Variants in NRXN1 observed in about 807,000 individuals in gnomAD.
NRXN1 encodes neurexin-1.
A neutral mutation model predicts 150.9 loss-of-function variants in NRXN1; 39 were observed. The observed-to-expected ratio is 0.26, with a 90% CI of 0.20 to 0.34. The LOEUF (loss-of-function observed/expected upper bound fraction) is 0.34. Ranked by LOEUF, NRXN1 falls within the 10% of genes least tolerant of loss-of-function variation. The pLI, the probability that NRXN1 is intolerant of heterozygous loss-of-function variation, is 1.00. For missense variants in NRXN1, 1,815 were observed against 1,949.9 expected, an observed-to-expected ratio of 0.93 and a Z score of 1.30; for synonymous variants, 924 against 757.0, an observed-to-expected ratio of 1.22 and a Z score of -3.62.
At chr2:50,248,660 G>A (rs989321768) in intron 17 of NRXN1, among the ~76,000 whole-genome samples, 8 of 152,098 alleles carry the variant, frequency 5.3e-5, no homozygotes, top group Non-Finnish European at 1.5e-5. Context: ...TAATGTCATT[G>A]TAAATATCAT....
intron 5 of NRXN1, among the ~76,000 whole-genome samples, chr2:50,639,505 G>A (rs1292919851): frequency 6.6e-6 from 1 of 151,866 alleles, no homozygotes; most frequent in African/African-American, 2.4e-5. Flanking sequence ...ATAGGTGTAA[G>A]CCACCATGCC....
rs548000791 is a variant in NRXN1 at position 49,963,868 on chromosome 2, T to C, written c.4129-20077A>G. Among the ~76,000 whole-genome samples, 18 of 152,332 alleles carry C rather than the reference T, an allele frequency of 1.2e-4. No individual in the cohort carries two copies. The East Asian group carries it at 2.5e-3, about 21-fold the overall frequency. The stretch of plus-strand genomic sequence containing the variant: ...AAATTTTAAATAGTGGGAGGAATTA[T>C]TATAAAAGAATAAAATATGTAACAG... On this transcript the variant is annotated intron_variant, in intron 21 of 22. Coordinates refer to ENST00000401669, the MANE Select transcript of NRXN1 (RefSeq NM_001330078.2).
At chr2:50,803,691 G>T (rs1244665472) in intron 5 of NRXN1, among the ~76,000 whole-genome samples, 2 of 152,170 alleles carry the variant, frequency 1.3e-5, no homozygotes, top group African/African-American at 4.8e-5. Context: ...TTTGAGGTCA[G>T]CCTTGCTGAA....
At chr2:50,013,539 G>A (rs1686061745) in intron 21 of NRXN1, among the ~76,000 whole-genome samples, 1 of 152,034 alleles carries the variant, frequency 6.6e-6, no homozygotes, top group African/African-American at 2.4e-5. Flanking sequence ...CAGGAAATAA[G>A]GTAAGACATG....
At chr2:51,007,238 A>C (rs1300096679) in intron 2 of NRXN1, among the ~76,000 whole-genome samples, 1 of 151,928 alleles carries the variant, frequency 6.6e-6, no homozygotes, top group Non-Finnish European at 1.5e-5. Context: ...ATTAATGAGC[A>C]TTTTCTGAAC....
At chr2:50,395,876 C>A (rs1162301224) in intron 17 of NRXN1, among the ~76,000 whole-genome samples, 3 of 151,654 alleles carry the variant, frequency 2.0e-5, no homozygotes, top group African/African-American at 7.3e-5. Context: ...GAACTCACTG[C>A]CACTAGCAGG....
chr2:50,594,206 G>C (rs563419940), intron 8 of NRXN1, among the ~76,000 whole-genome samples: 6 of 152,138 alleles, frequency 3.9e-5, no homozygotes, highest in African/African-American at 1.4e-4. Context: ...GACTATTACA[G>C]ATATAATTTA....
chr2:49,947,454 A>T (rs2104419377), intron 21 of NRXN1, among the ~76,000 whole-genome samples: 1 of 151,330 alleles, frequency 6.6e-6, no homozygotes, highest in Admixed American at 6.6e-5. Flanking sequence ...TTGACTGCTA[A>T]ACATTCTTTT....
chr2:50,631,102 C>T (rs988152418), intron 5 of NRXN1: 1 of 453,198 alleles, frequency 2.2e-6, no homozygotes, highest in Non-Finnish European at 4.5e-6. Flanking sequence ...AATCACATTA[C>T]TTTCAAGGGA....
chr2:50,799,901 T>TAC (rs562189757), intron 5 of NRXN1, among the ~76,000 whole-genome samples: 131 of 151,456 alleles, frequency 8.6e-4, no homozygotes, highest in South Asian at 1.7e-3. Context: ...CAAACACACA[T>TAC]ACACACACAC....
chr2:50,925,565 T>A (rs910724731), intron 3 of NRXN1, among the ~76,000 whole-genome samples: 19 of 151,892 alleles, frequency 1.3e-4, no homozygotes, highest in African/African-American at 4.3e-4. Context: ...ATAGAATAAG[T>A]CATTTTGATA....
At chr2:50,688,142 C>A (rs1490749176) in intron 5 of NRXN1, among the ~76,000 whole-genome samples, 1 of 152,114 alleles carries the variant, frequency 6.6e-6, no homozygotes, top group African/African-American at 2.4e-5. Context: ...ATGTATTAAT[C>A]TACCCACTTC....
chr2:50,663,012 T>G (rs1036497210), intron 5 of NRXN1, among the ~76,000 whole-genome samples: 2 of 152,020 alleles, frequency 1.3e-5, no homozygotes, highest in African/African-American at 4.8e-5. Flanking sequence ...TGATAAATCA[T>G]TAGGATGCAT....
At chr2:50,531,057 TA>T (rs2093088282) in intron 11 of NRXN1, among the ~76,000 whole-genome samples, 169 bp downstream of exon 11, 1 of 151,846 alleles carries the variant, frequency 6.6e-6, no homozygotes, top group Non-Finnish European at 1.5e-5. Context: ...AAAAATAAAA[TA>T]AAAAATAAAA....
At chr2:50,675,895 G>A (rs1169657048) in intron 5 of NRXN1, among the ~76,000 whole-genome samples, 1 of 151,984 alleles carries the variant, frequency 6.6e-6, no homozygotes, top group East Asian at 1.9e-4. Flanking sequence ...TCAAGAATGA[G>A]AATAAAGAGT....
At chr2:50,983,213 T>C (rs1422336208) in intron 2 of NRXN1, among the ~76,000 whole-genome samples, 1 of 152,076 alleles carries the variant, frequency 6.6e-6, no homozygotes, top group Non-Finnish European at 1.5e-5. Flanking sequence ...ATGCTCTTAA[T>C]TGTATATCTC....
chr2:50,474,878 G>C (rs138879475), intron 15 of NRXN1, among the ~76,000 whole-genome samples: 1 of 125,716 alleles, frequency 8.0e-6, no homozygotes, highest in African/African-American at 3.1e-5. Context: ...TCACCCCATT[G>C]AGTTATTTAG....
rs185727135 is a variant in NRXN1 at position 50,172,827 on chromosome 2, C to T, written c.3546+63962G>A. On this transcript the variant is annotated intron_variant, in intron 18 of 22. Transcript: ENST00000401669. The stretch of plus-strand genomic sequence containing the variant: ...ACTAAAAATACAAAAATTAGCCAGG[C>T]GTGGTAGTGGGCGCCTGTAGTCCCA... Among the ~76,000 whole-genome samples the T allele has an allele frequency of 2.6e-5, 4 of 152,092 alleles. No individual in the cohort carries two copies. In the East Asian group the frequency reaches 7.7e-4, roughly 29 times the overall value.
intron 19 of NRXN1, among the ~76,000 whole-genome samples, chr2:50,072,058 A>T (rs1696366346): frequency 6.6e-6 from 1 of 152,220 alleles, no homozygotes. Flanking sequence ...AATATACATG[A>T]TTATATGTAG....
Sources: allele counts gnomAD v4.1 joint callset (sites outside exome capture counted in the v4.1 genomes callset), GRCh38; gene constraint gnomAD v4.1.1; transcripts MANE v1.5; gene names NCBI Gene and HGNC (gene_info 2026-07-23, HGNC 2026-07-21).